DPP10: variants seen among roughly 807,000 people sequenced by gnomAD.
DPP10 encodes dipeptidyl peptidase like 10.
DPP10 carries 33 observed loss-of-function variants against 120.9 expected under a neutral mutation model. The observed-to-expected ratio is 0.27, with a 90% CI of 0.21 to 0.37. The LOEUF is 0.37. Ranked by LOEUF, DPP10 falls within the 10% of genes least tolerant of loss-of-function variation. The pLI is 1.00. For missense variants in DPP10, 816 were observed against 942.8 expected, an observed-to-expected ratio of 0.87 and a Z score of 1.76; for synonymous variants, 337 against 326.1, an observed-to-expected ratio of 1.03 and a Z score of -0.36.
chr2:115,012,646 A>C (rs1040502086), intron 1 of DPP10, among the ~76,000 whole-genome samples: 2 of 152,148 alleles, frequency 1.3e-5, no homozygotes, highest in Admixed American at 1.3e-4. Flanking sequence ...AGAACACTAC[A>C]TCAAGGGAGC....
chr2:114,755,949 A>AT (rs1368941794), intron 1 of DPP10, among the ~76,000 whole-genome samples: 1 of 120,060 alleles, frequency 8.3e-6, no homozygotes, highest in Non-Finnish European at 1.8e-5. Context: ...CTAGGAAGAA[A>AT]TTAAAAAAAA....
chr2:114,856,528 C>T (rs1689382304), intron 1 of DPP10, among the ~76,000 whole-genome samples: 1 of 151,966 alleles, frequency 6.6e-6, no homozygotes, highest in South Asian at 2.1e-4. Context: ...TATAAATATC[C>T]ATTTAAAATA....
chr2:115,498,921 T>C (rs2076543778), intron 3 of DPP10, among the ~76,000 whole-genome samples: 1 of 151,976 alleles, frequency 6.6e-6, no homozygotes, highest in Non-Finnish European at 1.5e-5. Flanking sequence ...TTGAAAAAGT[T>C]CATTCATTGA....
chr2:115,170,948 G>T (rs12053252), intron 1 of DPP10, among the ~76,000 whole-genome samples: 1 of 152,086 alleles, frequency 6.6e-6, no homozygotes, highest in Non-Finnish European at 1.5e-5. Flanking sequence ...GGTACTTCTC[G>T]TTCCTTCATC....
chr2:115,371,695 C>T (rs1401836723), intron 3 of DPP10, among the ~76,000 whole-genome samples: 1 of 151,880 alleles, frequency 6.6e-6, no homozygotes, highest in Non-Finnish European at 1.5e-5. Context: ...GAGGATAGCA[C>T]TAAAGGCAGA....
intron 1 of DPP10, among the ~76,000 whole-genome samples, chr2:114,637,158 G>A (rs984042046): frequency 6.6e-6 from 1 of 151,874 alleles, no homozygotes; most frequent in Non-Finnish European, 1.5e-5. Context: ...CCCTAAATAA[G>A]CAAGGTTTTG....
At chr2:115,279,589 T>C (rs985906188) in intron 1 of DPP10, among the ~76,000 whole-genome samples, 4 of 151,834 alleles carry the variant, frequency 2.6e-5, no homozygotes, top group African/African-American at 9.7e-5. Context: ...GACACCAGAA[T>C]TTTGGGTAGC....
At chr2:115,622,840 T>TTTTTTTTG (rs1553464043) in intron 5 of DPP10, among the ~76,000 whole-genome samples, 6 of 143,920 alleles carry the variant, frequency 4.2e-5, no homozygotes, top group Non-Finnish European at 7.5e-5. Context: ...TTTTTTTTTT[T>TTTTTTTTG]TTTTTTGTTT....
At chr2:115,670,081 C>T (rs1212459950) in intron 5 of DPP10, among the ~76,000 whole-genome samples, 1 of 152,016 alleles carries the variant, frequency 6.6e-6, no homozygotes, top group Non-Finnish European at 1.5e-5. Flanking sequence ...TTTTGGTTTT[C>T]AGATGCAGTC....
intron 1 of DPP10, among the ~76,000 whole-genome samples, chr2:115,280,901 A>G (rs566445028): frequency 6.6e-6 from 1 of 152,172 alleles, no homozygotes; most frequent in African/African-American, 2.4e-5. Context: ...TGAGAATTCT[A>G]TCCTATCTTC....
chr2:114,606,946 G>C lies in DPP10; in HGVS notation c.60+164108G>C, dbSNP rs138071589. ...CATGACTTCTCTATTTCCCCGCCTG[G>C]GATATTCAAGGAGAGAGTGCTAAAA... On this transcript the variant is annotated intron_variant, in intron 1 of 25. Transcript: ENST00000410059. Among the ~76,000 whole-genome samples the C allele has an allele frequency of 4.9e-3, 752 of 152,214 alleles. 8 individuals are homozygous for C. Among genetic ancestry groups the C allele is most frequent in the African/African-American group, 0.017 (716 of 41,530 alleles).
intron 3 of DPP10, among the ~76,000 whole-genome samples, chr2:115,368,089 T>C (rs988907766): frequency 1.3e-5 from 2 of 152,142 alleles, no homozygotes; most frequent in African/African-American, 4.8e-5. Flanking sequence ...CTGTGACCAT[T>C]ATTGAAGGTT....
chr2:115,130,079 C>T (rs1036253228), intron 1 of DPP10, among the ~76,000 whole-genome samples: 1 of 152,134 alleles, frequency 6.6e-6, no homozygotes, highest in African/African-American at 2.4e-5. Context: ...CTAATCAAAA[C>T]CCTCCTATCC....
intron 1 of DPP10, among the ~76,000 whole-genome samples, chr2:114,639,873 A>G (rs1695579284): frequency 6.6e-6 from 1 of 151,900 alleles, no homozygotes; most frequent in African/African-American, 2.4e-5. Context: ...TGAAATTTCA[A>G]ATGGATTTCT....
intron 1 of DPP10, among the ~76,000 whole-genome samples, chr2:114,978,152 T>G (rs1352212132): frequency 6.6e-6 from 1 of 152,212 alleles, no homozygotes; most frequent in Non-Finnish European, 1.5e-5. Flanking sequence ...ATTGGCAACG[T>G]TAATCAGTAA....
intron 1 of DPP10, among the ~76,000 whole-genome samples, chr2:115,126,397 T>C (rs1292587945): frequency 6.6e-6 from 1 of 152,174 alleles, no homozygotes; most frequent in Non-Finnish European, 1.5e-5. Flanking sequence ...CCACTGCACC[T>C]GGCCACATTT....
At chr2:114,672,000 G>T (rs1221305869) in intron 1 of DPP10, among the ~76,000 whole-genome samples, 5 of 151,958 alleles carry the variant, frequency 3.3e-5, no homozygotes, top group Admixed American at 1.3e-4. Context: ...TTGTAAGTGG[G>T]ATATACTTGT....
chr2:114,897,352 A>C (rs1178517885), intron 1 of DPP10, among the ~76,000 whole-genome samples: 1 of 152,194 alleles, frequency 6.6e-6, no homozygotes, highest in Non-Finnish European at 1.5e-5. Flanking sequence ...TTCGGCTGTG[A>C]ATCCATCTGG....
chr2:115,407,905 C>T (rs2068646053), intron 3 of DPP10, among the ~76,000 whole-genome samples: 1 of 151,758 alleles, frequency 6.6e-6, no homozygotes, highest in Non-Finnish European at 1.5e-5. Context: ...TCAAAGGATT[C>T]CTAGGGATTT....
Sources: allele counts gnomAD v4.1 joint callset (sites outside exome capture counted in the v4.1 genomes callset), GRCh38; gene constraint gnomAD v4.1.1; transcripts MANE v1.5; gene names NCBI Gene and HGNC (gene_info 2026-07-23, HGNC 2026-07-21).